Variants in PPIP5K2 observed in about 807,000 individuals in gnomAD.
The protein encoded by PPIP5K2 is diphosphoinositol pentakisphosphate kinase 2, also known as inositol hexakisphosphate and diphosphoinositol-pentakisphosphate kinase 2.
Under a neutral mutation model 154.6 loss-of-function variants are expected in PPIP5K2, and 105 were observed. The ratio of observed to expected loss-of-function variants is 0.68; its 90% CI spans 0.58 to 0.80. The LOEUF (loss-of-function observed/expected upper bound fraction) is 0.80. Ranked by LOEUF, PPIP5K2 falls within the 30% of genes least tolerant of loss-of-function variation. PPIP5K2 has a pLI of 0.00. For missense variants in PPIP5K2, 992 were observed against 1,504.6 expected, an observed-to-expected ratio of 0.66 and a Z score of 5.64; for synonymous variants, 480 against 490.3, an observed-to-expected ratio of 0.98 and a Z score of 0.28.
intron 17 of PPIP5K2, among the ~76,000 whole-genome samples, chr5:103,162,583 G>A (rs549123288): frequency 2.6e-5 from 4 of 151,924 alleles, no homozygotes; most frequent in Admixed American, 1.3e-4. Context: ...GGCTAGTCTC[G>A]AACTCTTGGC....
At chr5:103,195,807 C>T (rs1264089340) in intron 30 of PPIP5K2, among the ~76,000 whole-genome samples, 2 of 152,144 alleles carry the variant, frequency 1.3e-5, no homozygotes, top group African/African-American at 4.8e-5. Flanking sequence ...ACAACAGCCT[C>T]ATTGCAGATG....
In PPIP5K2 at chr5:103,158,644, G is replaced by A. The variant is rs1287232956; in HGVS notation, c.1737+71G>A. The A allele has an allele frequency of 3.1e-6, 4 of 1,310,808 alleles. No homozygotes were observed. The Admixed American group carries it at 1.1e-4, about 37-fold the overall frequency. 81.2% of individuals were successfully genotyped at this position (1,310,808 alleles called of 1,614,324 possible). On this transcript the variant is annotated intron_variant, in intron 16 of 30. Transcript: ENST00000358359. ...ATTGTATCTTAAAACATTTTTGGCTGGGCGCAGTGGCTTACACCTGTAATC... is the reference window on the plus strand; with the variant it reads ...ATTGTATCTTAAAACATTTTTGGCTAGGCGCAGTGGCTTACACCTGTAATC...
chr5:103,173,955 T>C lies in PPIP5K2; in HGVS notation c.2512T>C (p.Tyr838His), dbSNP rs371426892. Residue 838 changes from tyrosine to histidine, a missense_variant, in exon 21 of 31, where the codon TAT becomes CAT. Around this residue, in one of 9 missense-constraint regions of PPIP5K2, gnomAD observed 157 missense variants for 281.2 expected, o/e 0.56. Coordinates refer to ENST00000358359, the MANE Select transcript of PPIP5K2 (RefSeq NM_001276277.3). Reference sequence around the variant, plus strand: ...ACATTCTTTGCTGTCTATTCTTCGCTATGGTGCCTTATGCAATGTAAGTAG... The same window carrying C: ...ACATTCTTTGCTGTCTATTCTTCGCCATGGTGCCTTATGCAATGTAAGTAG... ...HVHSLLSILR[Y>H]GALCNESKDE... 15 of 1,584,492 alleles carry C rather than the reference T, an allele frequency of 9.5e-6. No homozygotes were observed. In the African/African-American group the frequency reaches 1.9e-4, roughly 20 times the overall value.
chr5:103,138,002 T>C (rs116246272), intron 4 of PPIP5K2, among the ~76,000 whole-genome samples: 209 of 152,292 alleles, frequency 1.4e-3, no homozygotes, highest in African/African-American at 4.8e-3. Context: ...TTCTCTAGTA[T>C]GCTGTGAACA....
In PPIP5K2 at chr5:103,203,387, T is replaced by C. The variant is rs1359471538; in HGVS notation, c.*1753T>C. On this transcript the variant is annotated 3_prime_UTR_variant, in exon 31 of 31. Transcript: ENST00000358359. ...CTAGAAAGTACAGTACAACTAACTT[T>C]TTCCATTGTTATGCAAGAACTATTA... The C allele has an allele frequency of 6.6e-6, 1 of 152,212 alleles. No individual in the cohort carries two copies. The highest frequency in any genetic ancestry group is 2.4e-5 in the African/African-American group (1 of 41,470). 9.4% of individuals were successfully genotyped at this position (152,212 alleles called of 1,614,324 possible). A position where few individuals can be genotyped will look rare whatever the true frequency, so the allele number is the denominator to read the frequency against.
intron 17 of PPIP5K2, among the ~76,000 whole-genome samples, chr5:103,162,451 C>G (rs535762386): frequency 2.6e-4 from 39 of 151,448 alleles, no homozygotes; most frequent in African/African-American, 8.2e-4. Context: ...TGGCCTGAAA[C>G]CCCTGGGCTC....
intron 18 of PPIP5K2, among the ~76,000 whole-genome samples, 167 bp downstream of exon 18, chr5:103,167,487 G>C (rs547921425): frequency 1.8e-4 from 28 of 152,030 alleles, no homozygotes; most frequent in African/African-American, 6.0e-4. Context: ...AAGTTATAGT[G>C]GTTTTTATCC....
chr5:103,190,777 T>C, intron 28 of PPIP5K2, 65 bp from the exon 29 acceptor site: 3 of 1,432,226 alleles, frequency 2.1e-6, no homozygotes, highest in Non-Finnish European at 2.8e-6. Context: ...TAGTCTTCCT[T>C]TCTAATTACT....
chr5:103,168,150 A>T lies in PPIP5K2; in HGVS notation c.2141A>T (p.Lys714Met). Reference sequence around the variant, plus strand: ...AAGTTAGAGAAAGACTTTAAAACAAAGAATGGAAGATATGATATTAGTAAA... The same window carrying T: ...AAGTTAGAGAAAGACTTTAAAACAATGAATGGAAGATATGATATTAGTAAA... ...WSKLEKDFKTKNGRYDISKIP... is the reference protein window; with the variant it reads ...WSKLEKDFKTMNGRYDISKIP... The change falls in exon 19 of 31, where the codon AAG becomes ATG. Residue 714 changes from lysine to methionine, a missense_variant. Lys to Met is a moderately conservative substitution (Grantham distance 95). Around this residue, in one of 9 missense-constraint regions of PPIP5K2, gnomAD observed 157 missense variants for 281.2 expected, o/e 0.56. Transcript: ENST00000358359. 1 of 1,610,212 alleles carries T rather than the reference A, an allele frequency of 6.2e-7. No homozygotes were observed. The highest frequency in any genetic ancestry group is 8.5e-7 in the Non-Finnish European group (1 of 1,177,208).
intron 17 of PPIP5K2, among the ~76,000 whole-genome samples, chr5:103,160,606 C>A (rs1796072171): frequency 6.6e-6 from 1 of 152,108 alleles, no homozygotes; most frequent in Admixed American, 6.6e-5. Context: ...CAAATATGGT[C>A]TCTGTTGCAT....
intron 7 of PPIP5K2, 65 bp from the exon 8 acceptor site, chr5:103,149,087 G>C: frequency 8.5e-7 from 1 of 1,183,428 alleles, no homozygotes; most frequent in Non-Finnish European, 1.1e-6. Context: ...TTTGTTGTCT[G>C]TTGGTTACAC....
At chr5:103,131,579 GT>G (rs1345000308) in intron 2 of PPIP5K2, among the ~76,000 whole-genome samples, 7 of 152,046 alleles carry the variant, frequency 4.6e-5, no homozygotes, top group Non-Finnish European at 1.0e-4. Context: ...AGGTAATTCT[GT>G]ATATCTAATC....
At chr5:103,151,150 C>G (rs1345132988) in intron 8 of PPIP5K2, 103 bp from the exon 9 acceptor site, 1 of 943,538 alleles carries the variant, frequency 1.1e-6, no homozygotes, top group African/African-American at 1.7e-5. Flanking sequence ...TAGTAATATA[C>G]TTTTAAGCAT....
chr5:103,144,860 T>G (rs1414281386), intron 5 of PPIP5K2, among the ~76,000 whole-genome samples: 1 of 152,066 alleles, frequency 6.6e-6, no homozygotes, highest in Non-Finnish European at 1.5e-5. Context: ...GGGCAAAAAT[T>G]TCTTGAGTAA....
chr5:103,153,075 A>G (rs2149577090), intron 10 of PPIP5K2, among the ~76,000 whole-genome samples: 1 of 152,042 alleles, frequency 6.6e-6, no homozygotes, highest in East Asian at 1.9e-4. Context: ...TAATTATACC[A>G]GTATTGCCAA....
intron 23 of PPIP5K2, 23 bp downstream of exon 23, chr5:103,178,003 T>C (rs1554221574): frequency 2.1e-6 from 3 of 1,398,782 alleles, no homozygotes; most frequent in South Asian, 1.2e-5. Flanking sequence ...GAACTCTCAG[T>C]GCTTAGTTAC....
At chr5:103,135,842 T>C (rs1401377157) in intron 3 of PPIP5K2, among the ~76,000 whole-genome samples, 3 of 152,164 alleles carry the variant, frequency 2.0e-5, no homozygotes, top group African/African-American at 4.8e-5. Flanking sequence ...TAATTAGTAC[T>C]TTTACCAGTC....
rs1803825915 is a variant in PPIP5K2 at position 103,211,849 on chromosome 5, T to G, written c.*10215T>G. 1 of 152,124 alleles carries G rather than the reference T, an allele frequency of 6.6e-6. No individual in the cohort carries two copies. Among genetic ancestry groups the G allele is most frequent in the African/African-American group, 2.4e-5 (1 of 41,442 alleles). The allele number at this position is 152,124 out of a possible 1,614,324, so 9.4% of individuals were successfully genotyped here. ...TTCATGGCAAAATAACCCACATAAT[T>G]AACTGCTTTGTTACAAAAACTTGGA... On this transcript the variant is annotated 3_prime_UTR_variant, in exon 31 of 31. Transcript: ENST00000358359.
intron 28 of PPIP5K2, among the ~76,000 whole-genome samples, 198 bp downstream of exon 28, chr5:103,187,574 T>C (rs1342156557): frequency 6.6e-6 from 1 of 152,150 alleles, no homozygotes. Flanking sequence ...ACATAATAAT[T>C]TAACATTACT....
Sources: allele counts gnomAD v4.1 joint callset (sites outside exome capture counted in the v4.1 genomes callset), GRCh38; gene constraint gnomAD v4.1.1; regional missense constraint gnomAD v4.1.1; transcripts MANE v1.5; gene names NCBI Gene and HGNC (gene_info 2026-07-23, HGNC 2026-07-21).